TLN2: variants seen among roughly 807,000 people sequenced by gnomAD.
The protein encoded by TLN2 is talin-2.
TLN2 carries 118 observed loss-of-function variants against 294.7 expected under a neutral mutation model. The ratio of observed to expected loss-of-function variants is 0.40; its 90% confidence interval spans 0.34 to 0.47. The LOEUF is 0.47. TLN2 is among the 20% of genes least tolerant of loss of function. The pLI is 0.84. For synonymous variants in TLN2, 1,431 were observed against 1,304.5 expected (o/e 1.10, Z -2.09); for missense variants, 3,083 against 3,282.2 (o/e 0.94, Z 1.48).
intron 9 of TLN2, among the ~76,000 whole-genome samples, chr15:62,673,072 T>TTGTGTGTGTGTG (rs60589441): frequency 0.068 from 9,839 of 144,788 alleles, 437 homozygotes; most frequent in Non-Finnish European, 0.092. Flanking sequence ...CCTAATTTAA[T>TTGTGTGTGTGTG]TGTGTGTGTG....
intron 1 of TLN2, among the ~76,000 whole-genome samples, chr15:62,534,158 A>G (rs2041206218): frequency 1.3e-5 from 2 of 151,954 alleles, no homozygotes; most frequent in South Asian, 4.2e-4. Context: ...TTCTCCCCAC[A>G]TACTCACCAA....
intron 3 of TLN2, among the ~76,000 whole-genome samples, chr15:62,622,230 A>T (rs922254110): frequency 6.6e-6 from 1 of 152,086 alleles, no homozygotes; most frequent in African/African-American, 2.4e-5. Flanking sequence ...AATTAAAACG[A>T]CTCACTCCAG....
chr15:62,427,895 G>A (rs772940929), intron 1 of TLN2, among the ~76,000 whole-genome samples: 1 of 152,152 alleles, frequency 6.6e-6, no homozygotes, highest in Non-Finnish European at 1.5e-5. Context: ...TGTTCCTAGG[G>A]CTAGGCAGTG....
intron 1 of TLN2, among the ~76,000 whole-genome samples, chr15:62,397,325 A>C (rs754242515): frequency 3.6e-4 from 54 of 152,102 alleles, no homozygotes; most frequent in Non-Finnish European, 5.1e-4. Flanking sequence ...TTGTACAATC[A>C]CACCTCACTA....
chr15:62,832,769 G>A (rs2141247943), intron 54 of TLN2: 1 of 152,006 alleles, frequency 6.6e-6, no homozygotes, highest in Non-Finnish European at 1.5e-5. Context: ...CCACAGAAAT[G>A]CCAGTGCTGT....
chr15:62,737,046 T>C lies in TLN2; in HGVS notation c.3527T>C (p.Ile1176Thr), dbSNP rs1456212636. ...MLIQEAKQAL[I>T]APGDAERQQR... ...ATTCAAGAGGCCAAGCAGGCCCTGA[T>C]TGCACCTGGAGATGCAGAGCGTCAA... Residue 1176 changes from isoleucine (I) to threonine (T), a missense_variant, in exon 29 of 59, where the codon ATT (isoleucine) becomes ACT (threonine). Transcript: ENST00000636159. 1.2e-6 allele frequency: 2 copies of C among 1,614,074 alleles called. No individual in the cohort carries two copies.
chr15:62,741,475 AG>A (rs1257370643), intron 32 of TLN2, among the ~76,000 whole-genome samples: 1 of 152,292 alleles, frequency 6.6e-6, no homozygotes, highest in East Asian at 1.9e-4. Flanking sequence ...GTGACAGCCC[AG>A]GGGGTTCTCG....
intron 42 of TLN2, among the ~76,000 whole-genome samples, chr15:62,771,773 G>A (rs1302887250): frequency 6.6e-6 from 1 of 152,186 alleles, no homozygotes; most frequent in East Asian, 1.9e-4. Flanking sequence ...TGTAGAGCTG[G>A]GGGACCACCA....
At chr15:62,590,000 G>GGTTTTTGTTTTT (rs56773746) in intron 2 of TLN2, among the ~76,000 whole-genome samples, 31 of 151,038 alleles carry the variant, frequency 2.1e-4, no homozygotes, top group Admixed American at 1.1e-3. Flanking sequence ...TGAGTAGCTG[G>GGTTTTTGTTTTT]GTTTTTGTTT....
chr15:62,484,351 A>C (rs747631001), intron 1 of TLN2, among the ~76,000 whole-genome samples: 5 of 152,212 alleles, frequency 3.3e-5, no homozygotes, highest in Admixed American at 6.5e-5. Flanking sequence ...GATGGTACCA[A>C]GTAAGTTCAA....
In TLN2 at chr15:62,763,616, G is replaced by C; in HGVS notation, c.5015G>C (p.Arg1672Pro). 1 of 1,613,614 alleles carries C rather than the reference G, an allele frequency of 6.2e-7. No homozygotes were observed. Among genetic ancestry groups the C allele is most frequent in the Non-Finnish European group, 8.5e-7 (1 of 1,179,854 alleles). ...ECDYSIDGIN[R>P]CIRDIEQASL... is the part of the protein sequence containing the mutation. ...GATTACTCCATCGATGGCATCAACC[G>C]GTGCATCCGGGACATCGAGCAGGCC... is the stretch of plus-strand genomic sequence containing the variant. The change falls in exon 40 of 59, where the codon CGG becomes CCG. Residue 1672 changes from arginine (R) to proline (P), a missense_variant. Coordinates refer to ENST00000636159, the MANE Select transcript of TLN2 (RefSeq NM_015059.3).
intron 42 of TLN2, among the ~76,000 whole-genome samples, chr15:62,773,997 C>A (rs1488252676): frequency 2.0e-5 from 3 of 152,134 alleles, no homozygotes; most frequent in African/African-American, 7.2e-5. Flanking sequence ...CCCCGCAGAG[C>A]TCCCTTCTCC....
chr15:62,712,889 C>T (rs779276716), intron 22 of TLN2, among the ~76,000 whole-genome samples: 2 of 152,098 alleles, frequency 1.3e-5, no homozygotes, highest in Admixed American at 6.6e-5. Flanking sequence ...ATAGAAAATG[C>T]AGATAAATGT....
chr15:62,675,101 T>C (rs2056015138), intron 10 of TLN2, 116 bp from the exon 11 acceptor site: 2 of 902,660 alleles, frequency 2.2e-6, no homozygotes, highest in Non-Finnish European at 3.5e-6. Flanking sequence ...GACACAACCA[T>C]CACTTAATGA....
intron 9 of TLN2, among the ~76,000 whole-genome samples, chr15:62,667,264 C>G (rs184517986): frequency 1.3e-5 from 2 of 152,204 alleles, no homozygotes; most frequent in East Asian, 1.9e-4. Context: ...CCGTGCCTGG[C>G]GAACACTGGC....
intron 32 of TLN2, among the ~76,000 whole-genome samples, chr15:62,743,911 C>T (rs931293245): frequency 6.6e-5 from 10 of 152,266 alleles, no homozygotes; most frequent in Admixed American, 6.5e-4. Context: ...TAGCACCTGC[C>T]CCCCTGGCTC....
At chr15:62,574,806 A>C (rs953981033) in intron 1 of TLN2, among the ~76,000 whole-genome samples, 3 of 152,028 alleles carry the variant, frequency 2.0e-5, no homozygotes, top group African/African-American at 7.2e-5. Context: ...TAATTGAAGA[A>C]ATTTGGCATT....
At chr15:62,784,222 C>T in intron 45 of TLN2, 1 of 402,032 alleles carries the variant, frequency 2.5e-6, no homozygotes, top group Non-Finnish European at 4.4e-6. Context: ...GCCATCTTAT[C>T]ACTTCCTACT....
At chr15:62,528,439 T>C (rs1468138895) in intron 1 of TLN2, among the ~76,000 whole-genome samples, 1 of 152,124 alleles carries the variant, frequency 6.6e-6, no homozygotes, top group East Asian at 1.9e-4. Flanking sequence ...TCAGGGTAGA[T>C]GGACCACACT....
Sources: allele counts gnomAD v4.1 joint callset (sites outside exome capture counted in the v4.1 genomes callset), GRCh38; gene constraint gnomAD v4.1.1; transcripts MANE v1.5; gene names NCBI Gene and HGNC (gene_info 2026-07-23, HGNC 2026-07-21).